Variants in ERN2 observed in about 807,000 individuals in gnomAD.
The protein encoded by ERN2 is serine/threonine-protein kinase/endoribonuclease IRE2.
Under a neutral mutation model 107.9 loss-of-function variants are expected in ERN2, and 111 were observed. The ratio of observed to expected loss-of-function variants is 1.03; its 90% CI spans 0.88 to 1.20. ERN2 has a LOEUF of 1.20. Among genes scored for constraint, ERN2 ranks in the 50% most tolerant of loss-of-function variants. ERN2 has a pLI of 0.00. For synonymous variants in ERN2, 524 were observed against 501.7 expected (o/e 1.04, Z -0.59); for missense variants, 1,225 against 1,197.9 (o/e 1.02, Z -0.33).
chr16:23,690,873 GTC>G lies in ERN2; in HGVS notation c.2737_2738del (p.Asp913LeufsTer32). 1 of 1,613,754 alleles carries G rather than the reference GTC, an allele frequency of 6.2e-7. No individual in the cohort carries two copies. Among genetic ancestry groups the G allele is most frequent in the African/African-American group, 1.3e-5 (1 of 75,050 alleles). The part of the protein sequence containing the change: ...ESLFLPYYPP[D>X]SEARRPCPGA... ...CAGGGCATGGCCTCCTGGCCTCTGA[GTC>G]TGGCGGGTAGTAGGGCAGGAAGAGG... On this transcript the variant is annotated frameshift_variant, in exon 22 of 22. Transcript: ENST00000256797. LOFTEE classifies it low-confidence loss of function (END_TRUNC).
chr16:23,694,010 T>G (rs1959703284), intron 17 of ERN2, among the ~76,000 whole-genome samples: 1 of 152,160 alleles, frequency 6.6e-6, no homozygotes. Flanking sequence ...GTTTTTTGTT[T>G]TTTGAGAGAA....
At chr16:23,697,842 G>A (rs960974620) in intron 13 of ERN2, among the ~76,000 whole-genome samples, 6 of 151,948 alleles carry the variant, frequency 3.9e-5, no homozygotes, top group South Asian at 2.1e-4. Flanking sequence ...CTGTAACCTC[G>A]AACTCCTGGG....
Position 23,705,119 on chromosome 16 carries a change from C to T in ERN2, c.618G>A (p.Met206Ile), listed in dbSNP as rs1261374243. Reference protein sequence around the residue: ...KYMSHLASCGMGLLLTVDPGS... With the variant: ...KYMSHLASCGIGLLLTVDPGS... ...CTGGGTCCACAGTGAGCAGCAGGCC[C>T]ATCCCGCAGGACGCCAGGTGGCTCA... Residue 206 changes from methionine to isoleucine, a missense_variant, in exon 8 of 22, where the codon ATG becomes ATA. Physicochemically the swap from Met to Ile is conservative, Grantham distance 10. Coordinates refer to ENST00000256797, the MANE Select transcript of ERN2 (RefSeq NM_033266.4). 4.3e-6 allele frequency: 7 copies of T among 1,613,420 alleles called. No individual in the cohort carries two copies. Among genetic ancestry groups the T allele is most frequent in the South Asian group, 1.1e-5 (1 of 91,054 alleles).
rs1360421942 is a variant in ERN2, at chr16:23,690,903, C to G, written c.2709G>C (p.Glu903Asp). 6.2e-7 allele frequency: 1 copy of G among 1,614,106 alleles called. No homozygotes were observed. Among genetic ancestry groups the G allele is most frequent in the Non-Finnish European group, 8.5e-7 (1 of 1,180,052 alleles). Residue 903 changes from glutamate to aspartate, a missense_variant, in exon 22 of 22, where the codon GAG becomes GAC. Physicochemically the swap from Glu to Asp is conservative, Grantham distance 45 (BLOSUM62 2). Transcript: ENST00000256797. ...GCGGGTAGTAGGGCAGGAAGAGGCTCTCAGAGGCGCAGCTCCTCATGGCTC... is the reference window on the plus strand; with the variant it reads ...GCGGGTAGTAGGGCAGGAAGAGGCTGTCAGAGGCGCAGCTCCTCATGGCTC... ...THRAMRSCAS[E>D]SLFLPYYPPD...
In ERN2 at chr16:23,695,963, AC is replaced by A. The variant is rs1237670059; in HGVS notation, c.1540del (p.Val514Ter). 106 of 1,613,998 alleles carry A rather than the reference AC, an allele frequency of 6.6e-5. No individual in the cohort carries two copies. In the Middle Eastern group the frequency reaches 6.6e-4, roughly 10 times the overall value. On this transcript the variant is annotated frameshift_variant, in exon 14 of 22. Transcript: ENST00000256797. LOFTEE classifies it high-confidence loss of function. ...LDDPEAEQLT[V>X]VGKISFNPKD... ...GGGATTGAAGGAAATCTTCCCCACT[AC>A]GGTGAGTTGCTCAGCTGGGGGAGAG...
At chr16:23,695,742 A>C (rs947186629) in intron 14 of ERN2, 152 bp downstream of exon 14, 10 of 601,432 alleles carry the variant, frequency 1.7e-5, no homozygotes, top group Non-Finnish European at 2.6e-5. Context: ...AAAAAAAAAA[A>C]AAAAACAGAT....
Position 23,704,300 on chromosome 16 carries a change from C to T in ERN2, c.854+583G>A, listed in dbSNP as rs141639346. Among the ~76,000 whole-genome samples, 21 of 152,268 alleles carry T rather than the reference C, an allele frequency of 1.4e-4. No homozygotes were observed. The East Asian group carries it at 4.1e-3, about 29-fold the overall frequency. ...CCTCTGATATGGTTTGGCTGTGTCC[C>T]CACCAAAATCTCATCTTGAATTTCC... On this transcript the variant is annotated intron_variant, in intron 8 of 21. Coordinates refer to ENST00000256797, the MANE Select transcript of ERN2 (RefSeq NM_033266.4).
rs760310462 is a variant in ERN2 at position 23,706,774 on chromosome 16, C to CG, written c.466dup (p.Arg156ProfsTer15). 3 of 1,608,568 alleles carry CG rather than the reference C, an allele frequency of 1.9e-6. No individual in the cohort carries two copies. The highest frequency in any genetic ancestry group is 8.5e-7 in the Non-Finnish European group (1 of 1,177,264). The stretch of plus-strand genomic sequence containing the variant: ...CTCACGTGTTCGGCCAATGTAGAGG[C>CG]GGGGGGTGGAGGGACCCTCTGTGGT... On this transcript the variant is annotated frameshift_variant, in exon 6 of 22. Transcript: ENST00000256797. LOFTEE classifies it high-confidence loss of function.
At position 23,710,546 on chromosome 16, in the gene ERN2, G is replaced by A. The variant is rs748028455; in HGVS notation, c.203C>T (p.Pro68Leu). 1 of 1,614,170 alleles carries A rather than the reference G, an allele frequency of 6.2e-7. No homozygotes were observed. Residue 68 changes from proline (P) to leucine (L), a missense_variant, in exon 3 of 22, where the codon CCC becomes CTC. Transcript: ENST00000256797. ...GDLKWTLRDD[P>L]VIEGPMYVTE... is the part of the protein sequence containing the mutation. ...GACGTACATTGGTCCTTCGATGACG[G>A]GATCTGCAGGGACAGGGACACAGAA...
rs1288943083 is a variant in ERN2 at position 23,705,086 on chromosome 16, C to T, written c.651G>A (p.Gly217=). ...GLLLTVDPGS[G]TVLWTQDLGV... is the part of the protein sequence containing the mutation. ...CCAGGTCCTGTGTCCACAGCACCGTCCCGCTTCCTGGGTCCACAGTGAGCA... is the reference window on the plus strand; with the variant it reads ...CCAGGTCCTGTGTCCACAGCACCGTTCCGCTTCCTGGGTCCACAGTGAGCA... Residue 217 remains glycine (G), a synonymous_variant, in exon 8 of 22, where the codon GGG becomes GGA. Coordinates refer to ENST00000256797, the MANE Select transcript of ERN2 (RefSeq NM_033266.4). 1 of 1,613,998 alleles carries T rather than the reference C, an allele frequency of 6.2e-7. No individual in the cohort carries two copies. Among genetic ancestry groups the T allele is most frequent in the South Asian group, 1.1e-5 (1 of 91,076 alleles).
Position 23,690,667 on chromosome 16 carries a change from G to C in ERN2, c.*164C>G, listed in dbSNP as rs1959546625. On this transcript the variant is annotated 3_prime_UTR_variant, in exon 22 of 22. Transcript: ENST00000256797. Reference sequence around the variant, plus strand: ...AATGGGGTGTTGCCATGTTGGCCAGGCTGGTCTCGAACTCCTGAGCTCAAG... The same window carrying C: ...AATGGGGTGTTGCCATGTTGGCCAGCCTGGTCTCGAACTCCTGAGCTCAAG... 1.6e-6 allele frequency: 1 copy of C among 629,944 alleles called. No individual in the cohort carries two copies. The highest frequency in any genetic ancestry group is 2.7e-5 in the East Asian group (1 of 36,386). 39.0% of individuals were successfully genotyped at this position (629,944 alleles called of 1,614,324 possible). A position where few individuals can be genotyped will look rare whatever the true frequency, so the allele number is the denominator to read the frequency against.
intron 2 of ERN2, 43 bp from the exon 3 acceptor site, chr16:23,710,592 C>A: frequency 6.2e-7 from 1 of 1,609,810 alleles, no homozygotes; most frequent in Non-Finnish European, 8.5e-7. Flanking sequence ...TTCCTCCAGA[C>A]CCCACTGAAA....
intron 13 of ERN2, among the ~76,000 whole-genome samples, chr16:23,698,566 T>C (rs959571728): frequency 1.3e-5 from 2 of 152,054 alleles, no homozygotes; most frequent in Admixed American, 1.3e-4. Flanking sequence ...TAAGTTTTTG[T>C]TTTTGTTTTT....
chr16:23,707,052 C>T lies in ERN2; in HGVS notation c.334G>A (p.Val112Ile), dbSNP rs772268249. The T allele has an allele frequency of 6.2e-7, 1 of 1,614,138 alleles. No individual in the cohort carries two copies. The change falls in exon 5 of 22, where the codon GTT becomes ATT. Residue 112 changes from valine (V) to isoleucine (I), a missense_variant. By Grantham distance (29) the Val-to-Ile change is conservative. Transcript: ENST00000256797. ...MKLPFTIPELVHASPCRSSDG... is the reference protein window; with the variant it reads ...MKLPFTIPELIHASPCRSSDG... ...GAGCTGCGGCAGGGAGAGGCATGAA[C>T]CAGCTCAGGGATGGTGAATGGCAGT...
intron 5 of ERN2, 52 bp from the exon 6 acceptor site, chr16:23,706,913 G>A: frequency 1.9e-6 from 3 of 1,557,348 alleles, no homozygotes; most frequent in East Asian, 2.3e-5. Context: ...GAAGAGGTGT[G>A]GCCCCGCCAC....
At position 23,690,817 on chromosome 16, in the gene ERN2, G is replaced by A. The variant is rs750853962; in HGVS notation, c.*14C>T. On this transcript the variant is annotated 3_prime_UTR_variant, in exon 22 of 22. Coordinates refer to ENST00000256797, the MANE Select transcript of ERN2 (RefSeq NM_033266.4). ...AGCCAGCACGGAGACCATCTGTGTG[G>A]CATCCAGCCCACCTCACCTCCCTGT... 3.1e-6 allele frequency: 5 copies of A among 1,600,848 alleles called. No individual in the cohort carries two copies. The South Asian group carries it at 4.4e-5, about 14-fold the overall frequency.
rs767922160 is a variant in ERN2 at position 23,700,940 on chromosome 16, G to T, written c.1359+19C>A. On this transcript the variant is annotated intron_variant, in intron 12 of 21. Transcript: ENST00000256797. The stretch of plus-strand genomic sequence containing the variant: ...AGCGTTCTCCCCAGATAGACCTGAG[G>T]TCAGGGCGGTGGGCCTACCTGCCTC... 6 of 1,611,604 alleles carry T rather than the reference G, an allele frequency of 3.7e-6. No homozygotes were observed. The highest frequency in any genetic ancestry group is 1.7e-4 in the Middle Eastern group (1 of 6,034).
intron 12 of ERN2, 123 bp from the exon 13 acceptor site, chr16:23,700,827 C>A (rs1960032189): frequency 6.8e-7 from 1 of 1,463,354 alleles, no homozygotes; most frequent in Non-Finnish European, 9.2e-7. Context: ...ATCGCAGGGG[C>A]CTGGGGAGCT....
At position 23,704,969 on chromosome 16, in the gene ERN2, G is replaced by A. The variant is rs923260934; in HGVS notation, c.768C>T (p.Leu256=). 8 of 1,613,840 alleles carry A rather than the reference G, an allele frequency of 5.0e-6. No homozygotes were observed. The highest frequency in any genetic ancestry group is 1.3e-5 in the African/African-American group (1 of 74,936). Residue 256 remains leucine, a synonymous_variant, in exon 8 of 22, where the codon CTC becomes CTT. Transcript: ENST00000256797. ...LTLARDTLHF[L]ALRWGHIRLP... is the part of the protein sequence containing the mutation. The stretch of plus-strand genomic sequence containing the variant: ...GTCGGATGTGGCCCCAGCGGAGGGC[G>A]AGGAAATGCAGAGTGTCTCGAGCCA...
Sources: gnomAD v4.1 joint callset for allele counts (sites outside exome capture counted in the v4.1 genomes callset) on GRCh38, gnomAD v4.1.1 for gene constraint, MANE v1.5 for transcripts, NCBI Gene and HGNC (gene_info 2026-07-23, HGNC 2026-07-21) for gene names.